Variants in CRELD1 observed in about 807,000 individuals in gnomAD.
The protein encoded by CRELD1 is protein disulfide isomerase CRELD1.
CRELD1 carries 42 observed loss-of-function variants against 58.2 expected under a neutral mutation model. The observed-to-expected ratio is 0.72, with a 90% CI of 0.56 to 0.93. CRELD1 has a LOEUF of 0.93. Among genes scored for constraint, CRELD1 ranks in the 40% least tolerant of loss-of-function variants. The pLI is 0.00. For missense variants in CRELD1, 500 were observed against 540.6 expected, an observed-to-expected ratio of 0.92 and a Z score of 0.74; for synonymous variants, 222 against 202.0, an observed-to-expected ratio of 1.10 and a Z score of -0.84.
intron 7 of CRELD1, among the ~76,000 whole-genome samples, chr3:9,942,400 C>T (rs2085394660): frequency 6.6e-6 from 1 of 152,112 alleles, no homozygotes; most frequent in Admixed American, 6.5e-5. Flanking sequence ...CAGATTATTC[C>T]TGTAACTTAC....
chr3:9,943,047 C>G (rs1187426432), intron 8 of CRELD1, 30 bp from the exon 9 acceptor site: 3 of 1,605,346 alleles, frequency 1.9e-6, no homozygotes, highest in Non-Finnish European at 2.6e-6. Context: ...AGGTGCACAT[C>G]TCACCCTCAT....
chr3:9,943,292 C>T, intron 9 of CRELD1, 89 bp from the exon 10 acceptor site: 1 of 1,601,294 alleles, frequency 6.2e-7, no homozygotes, highest in East Asian at 2.2e-5. Context: ...TGGGCAAGGG[C>T]AGAGGGGAGT....
chr3:9,940,292 G>C (rs1366226538), intron 5 of CRELD1, among the ~76,000 whole-genome samples: 3 of 152,106 alleles, frequency 2.0e-5, no homozygotes, highest in African/African-American at 7.2e-5. Context: ...CTGCAATCTC[G>C]GCACTTTGGG....
In CRELD1 at chr3:9,941,042, G is replaced by GC; in HGVS notation, c.637+16_637+17insC. The GC allele has an allele frequency of 6.2e-7, 1 of 1,614,222 alleles. No individual in the cohort carries two copies. ...GTATGTTCGGGTAGGTAGCCAAAAG[G>GC]TGTGGCACTGGGCAGGGGCAGATGG... is the stretch of plus-strand genomic sequence containing the variant. On this transcript the variant is annotated intron_variant, in intron 6 of 10. Coordinates refer to ENST00000452070, the MANE Select transcript of CRELD1 (RefSeq NM_001077415.3).
chr3:9,934,047 C>T (rs1002531026), intron 1 of CRELD1, 127 bp downstream of exon 1: 13 of 333,318 alleles, frequency 3.9e-5, no homozygotes, highest in Non-Finnish European at 7.3e-5. Flanking sequence ...CGGACACCTC[C>T]CCCAAGACAA....
rs1403824321 is a variant in CRELD1 at position 9,934,504 on chromosome 3, C to T, written c.66C>T (p.Asn22=). 6.2e-7 allele frequency: 1 copy of T among 1,613,592 alleles called. No homozygotes were observed. The highest frequency in any genetic ancestry group is 8.5e-7 in the Non-Finnish European group (1 of 1,179,572). ...AMLWGLSLFL[N]LPGPIWLQPS... ...TCTGGGGCCTCAGCCTCTTCCTCAA[C>T]CTCCCAGGACCTATCTGGCTCCAGC... is the stretch of plus-strand genomic sequence containing the variant. The change falls in exon 2 of 11, where the codon AAC becomes AAT. Residue 22 remains asparagine, a synonymous_variant. Transcript: ENST00000452070.
rs2085472163 is a variant in CRELD1 at position 9,944,689 on chromosome 3, A to G, written c.*110A>G. 6 of 1,073,194 alleles carry G rather than the reference A, an allele frequency of 5.6e-6. No individual in the cohort carries two copies. Among genetic ancestry groups the G allele is most frequent in the Admixed American group, 2.0e-5 (1 of 50,386 alleles). The allele number at this position is 1,073,194 out of a possible 1,614,324, so 66.5% of individuals were successfully genotyped here. On this transcript the variant is annotated 3_prime_UTR_variant, in exon 11 of 11. Coordinates refer to ENST00000452070, the MANE Select transcript of CRELD1 (RefSeq NM_001077415.3). Reference sequence around the variant, plus strand: ...TTGGTTTATTTTTGAGAGTGGGGTAAGCACCCCTACCTGCCTTACAGAGCA... The same window carrying G: ...TTGGTTTATTTTTGAGAGTGGGGTAGGCACCCCTACCTGCCTTACAGAGCA...
rs984080346 is a variant in CRELD1 at position 9,933,866 on chromosome 3, C to A, written c.-74C>A. The A allele has an allele frequency of 1.5e-4, 76 of 492,166 alleles. No individual in the cohort carries two copies. Among genetic ancestry groups the A allele is most frequent in the Non-Finnish European group, 2.5e-4 (70 of 277,806 alleles). The allele number at this position is 492,166 out of a possible 1,614,324, so 30.5% of individuals were successfully genotyped here. ...GGCAGCGACGCGGTGAGGAGACGGCCCACGGCGCCCGCGGGCTGGGGCGGT... is the reference window on the plus strand; with the variant it reads ...GGCAGCGACGCGGTGAGGAGACGGCACACGGCGCCCGCGGGCTGGGGCGGT... On this transcript the variant is annotated 5_prime_UTR_variant, in exon 1 of 11. Transcript: ENST00000452070.
chr3:9,934,254 T>C (rs2085095458), intron 1 of CRELD1, 166 bp from the exon 2 acceptor site: 1 of 618,524 alleles, frequency 1.6e-6, no homozygotes, highest in South Asian at 1.9e-5. Context: ...TTGCATCTTA[T>C]GCGCCTTTCC....
chr3:9,936,121 C>G lies in CRELD1; in HGVS notation c.257+1204C>G, dbSNP rs376882539. 7.2e-5 allele frequency: 11 copies of G among 152,264 alleles called. 1 individual carries two copies. The East Asian group carries it at 9.6e-4, about 13-fold the overall frequency. 9.4% of individuals were successfully genotyped at this position (152,264 alleles called of 1,614,324 possible). On this transcript the variant is annotated intron_variant, in intron 3 of 10. Coordinates refer to ENST00000452070, the MANE Select transcript of CRELD1 (RefSeq NM_001077415.3). ...AAGGCTCAGAGTTAGACCTGGTTGT[C>G]GGTTCTTAACCTCTCAGAGCCACAG... is the stretch of plus-strand genomic sequence containing the variant.
rs762158415 is a variant in CRELD1, at chr3:9,944,438, C to G, written c.1122C>G (p.Ile374Met). Residue 374 changes from isoleucine to methionine, a missense_variant, in exon 11 of 11, where the codon ATC becomes ATG. By Grantham distance (10) the Ile-to-Met change is conservative (BLOSUM62 1). Transcript: ENST00000452070. ...TGCAGCAGATGTTCTTTGGCATCAT[C>G]ATCTGTGCACTGGCCACGCTGGCTG... ...VVLQQMFFGI[I>M]ICALATLAAK... The G allele has an allele frequency of 1.9e-6, 3 of 1,614,032 alleles. No individual in the cohort carries two copies. Among genetic ancestry groups the G allele is most frequent in the Non-Finnish European group, 1.7e-6 (2 of 1,180,042 alleles).
intron 4 of CRELD1, among the ~76,000 whole-genome samples, 171 bp downstream of exon 4, chr3:9,937,843 C>G (rs376029693): frequency 6.6e-6 from 1 of 152,140 alleles, no homozygotes; most frequent in South Asian, 2.1e-4. Flanking sequence ...CCACTTTGAG[C>G]CTCAGTTTAC....
At chr3:9,943,697 C>T in intron 10 of CRELD1, 182 bp downstream of exon 10, 1 of 985,350 alleles carries the variant, frequency 1.0e-6, no homozygotes, top group Non-Finnish European at 1.2e-6. Flanking sequence ...CAGCCTTATA[C>T]CTTCCAGGGT....
chr3:9,934,116 G>A (rs2085088919), intron 1 of CRELD1, 196 bp downstream of exon 1: 1 of 424,788 alleles, frequency 2.4e-6, no homozygotes, highest in South Asian at 2.5e-5. Context: ...CTAATTCTGC[G>A]GATCCGGCCC....
chr3:9,944,498 T>C lies in CRELD1; in HGVS notation c.1182T>C (p.Ile394=). The C allele has an allele frequency of 3.7e-6, 6 of 1,612,968 alleles. No individual in the cohort carries two copies. The highest frequency in any genetic ancestry group is 5.1e-6 in the Non-Finnish European group (6 of 1,180,020). The part of the protein sequence containing the change: ...KGDLVFTAIF[I]GAVAAMTGYW... ...ACTTGGTGTTCACCGCCATCTTCAT[T>C]GGGGCTGTGGCGGCCATGACTGGCT... The change falls in exon 11 of 11, where the codon ATT becomes ATC. Residue 394 remains isoleucine, a synonymous_variant. Transcript: ENST00000452070.
Position 9,944,599 on chromosome 3 carries a change from G to A in CRELD1, c.*20G>A, listed in dbSNP as rs1239389832. ...AGATAATCGCGGCCACCACCTGTAG[G>A]ACCTCCTCCCACCCACGCTGCCCCC... is the stretch of plus-strand genomic sequence containing the variant. On this transcript the variant is annotated 3_prime_UTR_variant, in exon 11 of 11. Coordinates refer to ENST00000452070, the MANE Select transcript of CRELD1 (RefSeq NM_001077415.3). The A allele has an allele frequency of 1.9e-6, 3 of 1,581,450 alleles. No individual in the cohort carries two copies. Among genetic ancestry groups the A allele is most frequent in the Admixed American group, 3.6e-5 (2 of 56,198 alleles).
chr3:9,937,691 T>C lies in CRELD1; in HGVS notation c.368+19T>C. 6.5e-7 allele frequency: 1 copy of C among 1,541,828 alleles called. No homozygotes were observed. The highest frequency in any genetic ancestry group is 8.9e-7 in the Non-Finnish European group (1 of 1,124,886). On this transcript the variant is annotated intron_variant, in intron 4 of 10. Transcript: ENST00000452070. ...TTCACAAGTGAGTGGCAAAGGGCCT[T>C]CCCTGGAAGTGGGTCACAGGTGAGG... is the stretch of plus-strand genomic sequence containing the variant.
Position 9,944,593 on chromosome 3 carries a change from C to G in CRELD1, c.*14C>G. 1.3e-6 allele frequency: 2 copies of G among 1,587,780 alleles called. No individual in the cohort carries two copies. Among genetic ancestry groups the G allele is most frequent in the South Asian group, 1.1e-5 (1 of 89,702 alleles). ...AAGGGCAGATAATCGCGGCCACCACCTGTAGGACCTCCTCCCACCCACGCT... is the reference window on the plus strand; with the variant it reads ...AAGGGCAGATAATCGCGGCCACCACGTGTAGGACCTCCTCCCACCCACGCT... On this transcript the variant is annotated 3_prime_UTR_variant, in exon 11 of 11. Transcript: ENST00000452070.
At chr3:9,935,027 C>T in intron 3 of CRELD1, 110 bp downstream of exon 3, 2 of 874,272 alleles carry the variant, frequency 2.3e-6, no homozygotes, top group South Asian at 3.3e-5. Context: ...CAACAAATAG[C>T]ACTGAACATC....
Sources: gnomAD v4.1 joint callset for allele counts (sites outside exome capture counted in the v4.1 genomes callset) on GRCh38, gnomAD v4.1.1 for gene constraint, MANE v1.5 for transcripts, NCBI Gene and HGNC (gene_info 2026-07-23, HGNC 2026-07-21) for gene names.